Variants in CHRNA2 observed in about 807,000 individuals in gnomAD.
The protein encoded by CHRNA2 is neuronal acetylcholine receptor subunit alpha-2.
Under a neutral mutation model 45.5 loss-of-function variants are expected in CHRNA2, and 40 were observed. The ratio of observed to expected loss-of-function variants is 0.88; its 90% CI spans 0.68 to 1.15. The LOEUF (loss-of-function observed/expected upper bound fraction) is 1.15, where lower values mean the gene tolerates loss of function less well. Ranked by LOEUF, CHRNA2 falls within the 50% of genes most tolerant of loss-of-function variation. The pLI, the probability that CHRNA2 is intolerant of heterozygous loss-of-function variation, is 0.00. For synonymous variants in CHRNA2, 301 were observed against 296.7 expected, an observed-to-expected ratio of 1.01 and a Z score of -0.15; for missense variants, 655 against 701.7, an observed-to-expected ratio of 0.93 and a Z score of 0.75.
At chr8:27,472,703 G>T (rs1812927561) in intron 1 of CHRNA2, among the ~76,000 whole-genome samples, 2 of 152,178 alleles carry the variant, frequency 1.3e-5, no homozygotes, top group Admixed American at 1.3e-4. Flanking sequence ...CCTTAGAGGG[G>T]ATAAGAGATC....
At chr8:27,473,601 G>A (rs911410982) in intron 1 of CHRNA2, among the ~76,000 whole-genome samples, 13 of 151,184 alleles carry the variant, frequency 8.6e-5, no homozygotes, top group African/African-American at 3.2e-4. Flanking sequence ...CAGCTACTGG[G>A]AAGGCCAAGA....
Position 27,469,783 on chromosome 8 carries a change from G to C in CHRNA2, c.272C>G (p.Ser91Cys). 2.5e-6 allele frequency: 4 copies of C among 1,614,204 alleles called. No homozygotes were observed. Among genetic ancestry groups the C allele is most frequent in the Non-Finnish European group, 3.4e-6 (4 of 1,180,048 alleles). The change falls in exon 3 of 7, where the codon TCC (serine) becomes TGC (cysteine). Residue 91 changes from serine (S) to cysteine (C), a missense_variant. Coordinates refer to ENST00000407991, the MANE Select transcript of CHRNA2 (RefSeq NM_000742.4). ...CACCACATCGATGAGCTGAGCGATGGACAGTCCAAAGCGCACAATCACCAC... is the reference window on the plus strand; with the variant it reads ...CACCACATCGATGAGCTGAGCGATGCACAGTCCAAAGCGCACAATCACCAC... ...SDVVIVRFGL[S>C]IAQLIDVDEK...
In CHRNA2 at chr8:27,471,188, A is replaced by G; in HGVS notation, c.-130T>C. The G allele has an allele frequency of 1.2e-6, 1 of 838,502 alleles. No homozygotes were observed. The highest frequency in any genetic ancestry group is 2.0e-6 in the Non-Finnish European group (1 of 501,986). 51.9% of individuals were successfully genotyped at this position (838,502 alleles called of 1,614,324 possible). On this transcript the variant is annotated 5_prime_UTR_variant, in exon 2 of 7. Coordinates refer to ENST00000407991, the MANE Select transcript of CHRNA2 (RefSeq NM_000742.4). ...GGATTCTGCGAGGCTTCCTCTCACC[A>G]CCGAACCTGAGCAAGCCCAAGAAAG...
chr8:27,463,446 G>T lies in CHRNA2; in HGVS notation c.997C>A (p.Leu333Met), dbSNP rs79996627. The change falls in exon 6 of 7, where the codon CTG becomes ATG. Residue 333 changes from leucine (L) to methionine (M), a missense_variant. Leu to Met is a conservative substitution (Grantham distance 15). Coordinates refer to ENST00000407991, the MANE Select transcript of CHRNA2 (RefSeq NM_000742.4). This position sits in a 1 kb window ranked among gnomAD's most constrained non-coding sequence, Gnocchi z 6.1. ...LVIPLIGEYL[L>M]FTMIFVTLSI... Reference sequence around the variant, plus strand: ...AGGGTGACGAAGATCATGGTGAACAGCAGGTACTCGCCGATGAGCGGGATG... The same window carrying T: ...AGGGTGACGAAGATCATGGTGAACATCAGGTACTCGCCGATGAGCGGGATG... The T allele has an allele frequency of 6.2e-7, 1 of 1,614,220 alleles. No homozygotes were observed. Among genetic ancestry groups the T allele is most frequent in the Non-Finnish European group, 8.5e-7 (1 of 1,180,044 alleles).
chr8:27,473,804 C>T (rs1812975483), intron 1 of CHRNA2, among the ~76,000 whole-genome samples: 1 of 152,082 alleles, frequency 6.6e-6, no homozygotes, highest in Non-Finnish European at 1.5e-5. Context: ...TCATTCTCAT[C>T]CCCCCCGTCC....
Position 27,461,116 on chromosome 8 carries a change from TACAG to T in CHRNA2, c.*509_*512del, listed in dbSNP as rs1288180589. 4 of 185,624 alleles carry T rather than the reference TACAG, an allele frequency of 2.2e-5. No individual in the cohort carries two copies. Among genetic ancestry groups the T allele is most frequent in the Non-Finnish European group, 3.4e-5 (3 of 87,214 alleles). 11.5% of individuals were successfully genotyped at this position (185,624 alleles called of 1,614,324 possible). On this transcript the variant is annotated 3_prime_UTR_variant, in exon 7 of 7. Coordinates refer to ENST00000407991, the MANE Select transcript of CHRNA2 (RefSeq NM_000742.4). ...TCCAAACTTCAACCCCAGCCTGACT[TACAG>T]AGACCTCACCTGGCTCTCCAACCTC...
At chr8:27,465,227 AGGTGG>A (rs778638076) in intron 5 of CHRNA2, among the ~76,000 whole-genome samples, 3 of 152,120 alleles carry the variant, frequency 2.0e-5, no homozygotes, top group Non-Finnish European at 4.4e-5. Flanking sequence ...TTCCACCAGG[AGGTGG>A]CTCGGTGGGC....
chr8:27,467,229 T>G lies in CHRNA2; in HGVS notation c.449A>C (p.Asn150Thr). Residue 150 changes from asparagine to threonine, a missense_variant and splice_region_variant, in exon 5 of 7, where the codon AAT becomes ACT. Coordinates refer to ENST00000407991, the MANE Select transcript of CHRNA2 (RefSeq NM_000742.4). ...CCCCAGGACCCCAATGGCTTCCTAC[T>G]TGTTGTAGAGAACAATGTCGGGGAT... ...IWIPDIVLYN[N>T]ADGEFAVTHM... is the part of the protein sequence containing the mutation. 6.2e-7 allele frequency: 1 copy of G among 1,611,880 alleles called. No individual in the cohort carries two copies.
At position 27,459,830 on chromosome 8, in the gene CHRNA2, GA is replaced by G. The variant is rs1299552928; in HGVS notation, c.*1798del. On this transcript the variant is annotated 3_prime_UTR_variant, in exon 7 of 7. Transcript: ENST00000407991. ...AGATGGATGGGAGACATGGATAACA[GA>G]AGTGAACATCACTGTCTCAGGAGAG... 3 of 152,336 alleles carry G rather than the reference GA, an allele frequency of 2.0e-5. No individual in the cohort carries two copies. Among genetic ancestry groups the G allele is most frequent in the Non-Finnish European group, 4.4e-5 (3 of 68,118 alleles). 9.4% of individuals were successfully genotyped at this position (152,336 alleles called of 1,614,324 possible).
At position 27,469,756 on chromosome 8, in the gene CHRNA2, C is replaced by T. The variant is rs774398407; in HGVS notation, c.294+5G>A. ...CTCGGGCCAGCGGTGGGAAGACAGG[C>T]GCACCACATCGATGAGCTGAGCGAT... On this transcript the variant is annotated splice_donor_5th_base_variant and intron_variant, in intron 3 of 6. Coordinates refer to ENST00000407991, the MANE Select transcript of CHRNA2 (RefSeq NM_000742.4). The T allele has an allele frequency of 6.8e-6, 11 of 1,614,138 alleles. No homozygotes were observed. Among genetic ancestry groups the T allele is most frequent in the Admixed American group, 5.0e-5 (3 of 60,028 alleles).
At chr8:27,466,612 C>T (rs1419212319) in intron 5 of CHRNA2, among the ~76,000 whole-genome samples, 4 of 152,202 alleles carry the variant, frequency 2.6e-5, no homozygotes, top group Non-Finnish European at 5.9e-5. Flanking sequence ...AACTTCTTTA[C>T]TTCTAAGGGA....
intron 4 of CHRNA2, among the ~76,000 whole-genome samples, chr8:27,469,072 A>T (rs1344217589): frequency 6.6e-6 from 1 of 152,130 alleles, no homozygotes; most frequent in Non-Finnish European, 1.5e-5. Context: ...GGATGAACAG[A>T]TGCCTGTTCC....
At chr8:27,469,453 G>A in intron 3 of CHRNA2, 74 bp from the exon 4 acceptor site, 1 of 1,453,780 alleles carries the variant, frequency 6.9e-7, no homozygotes, top group Non-Finnish European at 9.4e-7. Flanking sequence ...AGTGGGATGG[G>A]CTGTTTTCAG....
At chr8:27,473,719 A>G (rs995102819) in intron 1 of CHRNA2, among the ~76,000 whole-genome samples, 2 of 152,040 alleles carry the variant, frequency 1.3e-5, no homozygotes, top group Non-Finnish European at 2.9e-5. Flanking sequence ...AAAGAAAATA[A>G]AAATAAAAGT....
chr8:27,463,676 G>T lies in CHRNA2; in HGVS notation c.767C>A (p.Thr256Asn), dbSNP rs1586390822. 6.8e-6 allele frequency: 11 copies of T among 1,614,006 alleles called. No individual in the cohort carries two copies. The highest frequency in any genetic ancestry group is 1.3e-5 in the African/African-American group (1 of 74,884). ...CAGCCGCCGGATGACGAAGGCGTAGGTGACGTCGGGGTAGATCTCGGCGCA... is the reference window on the plus strand; with the variant it reads ...CAGCCGCCGGATGACGAAGGCGTAGTTGACGTCGGGGTAGATCTCGGCGCA... ...DCCAEIYPDVTYAFVIRRLPL... is the reference protein window; with the variant it reads ...DCCAEIYPDVNYAFVIRRLPL... Residue 256 changes from threonine (T) to asparagine (N), a missense_variant, in exon 6 of 7, where the codon ACC (threonine) becomes AAC (asparagine). Physicochemically the swap from Thr to Asn is moderately conservative, Grantham distance 65. Around this residue, in one of 3 missense-constraint regions of CHRNA2, gnomAD observed 323 missense variants for 354.4 expected, o/e 0.91. Coordinates refer to ENST00000407991, the MANE Select transcript of CHRNA2 (RefSeq NM_000742.4). The surrounding 1 kb of genome is among the most constrained non-coding windows in gnomAD (Gnocchi z 6.1).
In CHRNA2 at chr8:27,467,234, G is replaced by A; in HGVS notation, c.444C>T (p.Tyr148=). The part of the protein sequence containing the change: ...EMIWIPDIVL[Y]NNADGEFAVT... ...GGACCCCAATGGCTTCCTACTTGTT[G>A]TAGAGAACAATGTCGGGGATCCAGA... Residue 148 remains tyrosine (Y), a synonymous_variant, in exon 5 of 7, where the codon TAC becomes TAT. Coordinates refer to ENST00000407991, the MANE Select transcript of CHRNA2 (RefSeq NM_000742.4). 2 of 1,612,398 alleles carry A rather than the reference G, an allele frequency of 1.2e-6. No homozygotes were observed. Among genetic ancestry groups the A allele is most frequent in the South Asian group, 1.1e-5 (1 of 91,044 alleles).
At chr8:27,464,527 T>C (rs1016809407) in intron 5 of CHRNA2, among the ~76,000 whole-genome samples, 1 of 152,126 alleles carries the variant, frequency 6.6e-6, no homozygotes, top group Non-Finnish European at 1.5e-5. Context: ...AAAGGCAGTT[T>C]TGGGGAAGGG....
chr8:27,478,734 C>G (rs1355460462), intron 1 of CHRNA2, 90 bp downstream of exon 1: 1 of 152,136 alleles, frequency 6.6e-6, no homozygotes, highest in Non-Finnish European at 1.5e-5. Flanking sequence ...TCCTGAGTAC[C>G]CAGAAACTGC....
rs1202844498 is a variant in CHRNA2 at position 27,463,405 on chromosome 8, G to A, written c.1038C>T (p.Thr346=). ...MIFVTLSIVI[T]VFVLNVHHRS... is the part of the protein sequence containing the mutation. ...GGTGGTGCACATTGAGCACGAAGAC[G>A]GTGATGACGATGGACAGGGTGACGA... is the stretch of plus-strand genomic sequence containing the variant. Residue 346 remains threonine, a synonymous_variant, in exon 6 of 7, where the codon ACC becomes ACT. Transcript: ENST00000407991. This position sits in a 1 kb window ranked among gnomAD's most constrained non-coding sequence, Gnocchi z 6.1. The A allele has an allele frequency of 4.3e-6, 7 of 1,614,172 alleles. No individual in the cohort carries two copies. The highest frequency in any genetic ancestry group is 1.3e-5 in the African/African-American group (1 of 75,030).
Sources: allele counts gnomAD v4.1 joint callset (sites outside exome capture counted in the v4.1 genomes callset), GRCh38; gene constraint gnomAD v4.1.1; regional missense constraint gnomAD v4.1.1; non-coding constraint Gnocchi (gnomAD v3.1); transcripts MANE v1.5; gene names NCBI Gene and HGNC (gene_info 2026-07-23, HGNC 2026-07-21).